Variants in MTF1 observed in about 807,000 individuals in gnomAD.
MTF1 encodes metal regulatory transcription factor 1.
Under a neutral mutation model 70.4 loss-of-function variants are expected in MTF1, and 22 were observed. That is an observed-to-expected ratio of 0.31 (90% confidence interval 0.22 to 0.45). The LOEUF (loss-of-function observed/expected upper bound fraction) is 0.45. MTF1 is among the 20% of genes least tolerant of loss of function. MTF1 has a pLI of 1.00. For synonymous variants in MTF1, 333 were observed against 352.8 expected, an observed-to-expected ratio of 0.94 and a Z score of 0.63; for missense variants, 649 against 922.0, an observed-to-expected ratio of 0.70 and a Z score of 3.83.
intron 2 of MTF1, chr1:37,841,265 CT>C: frequency 6.5e-6 from 1 of 154,900 alleles, no homozygotes; most frequent in Non-Finnish European, 1.4e-5. Context: ...GGCCATGATC[CT>C]GGTCAAGCTC....
chr1:37,809,760 G>C lies in MTF1; in HGVS notation c.*5376C>G, dbSNP rs1350024769. On this transcript the variant is annotated 3_prime_UTR_variant, in exon 11 of 11. Coordinates refer to ENST00000373036, the MANE Select transcript of MTF1 (RefSeq NM_005955.3). ...TACAAATTCATATTTATTCTTTTTT[G>C]GGTTTGGAGGTTTCTTCCTTTGGAA... 6.6e-6 allele frequency: 1 copy of C among 152,350 alleles called. No homozygotes were observed. Among genetic ancestry groups the C allele is most frequent in the Non-Finnish European group, 1.5e-5 (1 of 68,002 alleles). The allele number at this position is 152,350 out of a possible 1,614,324, so 9.4% of individuals were successfully genotyped here.
chr1:37,857,716 C>T lies in MTF1; in HGVS notation c.-51-7G>A, dbSNP rs1641520365. The T allele has an allele frequency of 1.9e-6, 3 of 1,553,192 alleles. No homozygotes were observed. Among genetic ancestry groups the T allele is most frequent in the Non-Finnish European group, 1.8e-6 (2 of 1,138,198 alleles). Reference sequence around the variant, plus strand: ...TGAAAACGTAATGACTTGTCTGCAACAGAACAAAGCCAGAGTTAGAGTCAT... The same window carrying T: ...TGAAAACGTAATGACTTGTCTGCAATAGAACAAAGCCAGAGTTAGAGTCAT... On this transcript the variant is annotated splice_region_variant and splice_polypyrimidine_tract_variant and intron_variant, in intron 1 of 10. Transcript: ENST00000373036.
intron 2 of MTF1, among the ~76,000 whole-genome samples, chr1:37,850,299 T>C (rs1023459637): frequency 3.4e-5 from 5 of 147,306 alleles, no homozygotes; most frequent in African/African-American, 1.0e-4. Context: ...ATATTTTGAT[T>C]AGAAATTTTG....
chr1:37,837,128 A>G (rs1641182982), intron 4 of MTF1, among the ~76,000 whole-genome samples: 1 of 152,006 alleles, frequency 6.6e-6, no homozygotes, highest in Non-Finnish European at 1.5e-5. Context: ...TGGCATGACC[A>G]TGGCTCACTA....
In MTF1 at chr1:37,859,540, T is replaced by G; in HGVS notation, c.-61A>C. ...TAGTTTCGCCTTTTACCTCCGCGGC[T>G]CCCGGCAACGGCGGCAGCAGCAGCT... is the stretch of plus-strand genomic sequence containing the variant. On this transcript the variant is annotated 5_prime_UTR_variant, in exon 1 of 11. Transcript: ENST00000373036. 2.5e-6 allele frequency: 1 copy of G among 398,990 alleles called. No homozygotes were observed. The highest frequency in any genetic ancestry group is 4.4e-6 in the Non-Finnish European group (1 of 226,410). The allele number at this position is 398,990 out of a possible 1,614,324, so 24.7% of individuals were successfully genotyped here.
Position 37,840,437 on chromosome 1 carries a change from C to T in MTF1, c.409-279G>A, listed in dbSNP as rs1016472953. The T allele has an allele frequency of 7.6e-6, 4 of 523,982 alleles. No individual in the cohort carries two copies. The highest frequency in any genetic ancestry group is 5.7e-5 in the African/African-American group (3 of 52,314). The allele number at this position is 523,982 out of a possible 1,614,324, so 32.5% of individuals were successfully genotyped here. A position where few individuals can be genotyped will look rare whatever the true frequency, so the allele number is the denominator to read the frequency against. On this transcript the variant is annotated intron_variant, in intron 2 of 10. Coordinates refer to ENST00000373036, the MANE Select transcript of MTF1 (RefSeq NM_005955.3). This position sits in a 1 kb window ranked among gnomAD's most constrained non-coding sequence, Gnocchi z 4.5. ...GTTTTCAGACTCTATATACATCTAC[C>T]CACTAAAAGTACACTATACTGTTAC...
chr1:37,845,638 G>A (rs551175034), intron 2 of MTF1, among the ~76,000 whole-genome samples: 9 of 152,214 alleles, frequency 5.9e-5, no homozygotes, highest in African/African-American at 1.4e-4. Context: ...TTGAGTAACT[G>A]GGACTATAGG....
chr1:37,852,596 G>GA (rs1641432708), intron 2 of MTF1, among the ~76,000 whole-genome samples: 1 of 151,794 alleles, frequency 6.6e-6, no homozygotes, highest in African/African-American at 2.4e-5. Flanking sequence ...ACAAATTTGG[G>GA]AAAATGGATG....
intron 9 of MTF1, among the ~76,000 whole-genome samples, chr1:37,818,063 A>G (rs1640846524): frequency 6.6e-6 from 1 of 152,206 alleles, no homozygotes; most frequent in Admixed American, 6.5e-5. Context: ...GGTGTTGGGC[A>G]TGTGATTTAA....
At chr1:37,834,858 G>A (rs1397167538) in intron 6 of MTF1, among the ~76,000 whole-genome samples, 3 of 152,244 alleles carry the variant, frequency 2.0e-5, no homozygotes, top group African/African-American at 7.2e-5. Context: ...ACTGCAGGAA[G>A]AACAGGTTTG....
chr1:37,814,914 C>G lies in MTF1; in HGVS notation c.*222G>C. 1.9e-6 allele frequency: 1 copy of G among 534,908 alleles called. No individual in the cohort carries two copies. Among genetic ancestry groups the G allele is most frequent in the Non-Finnish European group, 3.3e-6 (1 of 302,416 alleles). 33.1% of individuals were successfully genotyped at this position (534,908 alleles called of 1,614,324 possible). Reference sequence around the variant, plus strand: ...GTGCAGCCAAACAGTTCACTTATAACTTAGCTTTTTTTGTTGTTTTTTTTG... The same window carrying G: ...GTGCAGCCAAACAGTTCACTTATAAGTTAGCTTTTTTTGTTGTTTTTTTTG... On this transcript the variant is annotated 3_prime_UTR_variant, in exon 11 of 11. Coordinates refer to ENST00000373036, the MANE Select transcript of MTF1 (RefSeq NM_005955.3).
intron 1 of MTF1, among the ~76,000 whole-genome samples, chr1:37,858,101 A>AC (rs1228385994): frequency 2.0e-5 from 3 of 152,202 alleles, no homozygotes; most frequent in African/African-American, 7.2e-5. Flanking sequence ...TACGCCTGTC[A>AC]AACAATTTGA....
intron 9 of MTF1, 47 bp downstream of exon 9, chr1:37,822,074 T>C: frequency 6.9e-7 from 1 of 1,446,990 alleles, no homozygotes; most frequent in Middle Eastern, 1.8e-4. Context: ...ATGTCACCTA[T>C]GTAAATACAC....
intron 2 of MTF1, among the ~76,000 whole-genome samples, chr1:37,847,223 G>T (rs1641346759): frequency 6.6e-6 from 1 of 152,138 alleles, no homozygotes; most frequent in African/African-American, 2.4e-5. Flanking sequence ...ACAGCCAACA[G>T]GTCTCAATAC....
intron 2 of MTF1, among the ~76,000 whole-genome samples, chr1:37,842,280 G>T (rs1641266244): frequency 6.6e-6 from 1 of 151,548 alleles, no homozygotes; most frequent in Admixed American, 6.6e-5. Flanking sequence ...TAACATTTTG[G>T]GCTGGATGAT....
Position 37,822,312 on chromosome 1 carries a change from T to C in MTF1, c.1576A>G (p.Thr526Ala). 1.9e-6 allele frequency: 3 copies of C among 1,613,846 alleles called. No individual in the cohort carries two copies. Among genetic ancestry groups the C allele is most frequent in the Non-Finnish European group, 2.5e-6 (3 of 1,179,822 alleles). ...VAAPAPPQST[T>A]EPLPAMVQTL... ...TGGACCATGGCTGGCAGGGGCTCAG[T>C]AGTACTTTGTGGTGGGGCTGGTGCT... is the stretch of plus-strand genomic sequence containing the variant. Residue 526 changes from threonine (T) to alanine (A), a missense_variant, in exon 9 of 11, where the codon ACT (threonine) becomes GCT (alanine). Thr to Ala is a moderately conservative substitution (Grantham distance 58). Coordinates refer to ENST00000373036, the MANE Select transcript of MTF1 (RefSeq NM_005955.3).
At chr1:37,847,813 T>C (rs1211608923) in intron 2 of MTF1, among the ~76,000 whole-genome samples, 4 of 151,762 alleles carry the variant, frequency 2.6e-5, no homozygotes, top group African/African-American at 7.3e-5. Flanking sequence ...ATGGGCAACA[T>C]AGCAAGACCG....
chr1:37,842,908 C>T (rs1021978207), intron 2 of MTF1, among the ~76,000 whole-genome samples: 7 of 152,248 alleles, frequency 4.6e-5, no homozygotes, highest in Admixed American at 2.6e-4. Flanking sequence ...CTAGTTTCAG[C>T]GGACTACTGG....
intron 2 of MTF1, among the ~76,000 whole-genome samples, chr1:37,844,345 A>T (rs778377446): frequency 6.6e-6 from 1 of 151,922 alleles, no homozygotes; most frequent in Non-Finnish European, 1.5e-5. Flanking sequence ...CGCTTTTCTG[A>T]GTCCTTCTCT....
Sources: gnomAD v4.1 joint callset for allele counts (sites outside exome capture counted in the v4.1 genomes callset) on GRCh38, gnomAD v4.1.1 for gene constraint, Gnocchi (gnomAD v3.1) non-coding constraint, MANE v1.5 for transcripts, NCBI Gene and HGNC (gene_info 2026-07-23, HGNC 2026-07-21) for gene names.